Variants in CSMD2 observed in about 807,000 individuals in gnomAD.
CSMD2 encodes CUB and sushi domain-containing protein 2.
Under a neutral mutation model 398.5 loss-of-function variants are expected in CSMD2, and 130 were observed. That is an observed-to-expected ratio of 0.33 (90% CI 0.28 to 0.38). CSMD2 has a LOEUF of 0.38. Ranked by LOEUF, CSMD2 falls within the 10% of genes least tolerant of loss-of-function variation. CSMD2 has a pLI of 1.00. For missense variants in CSMD2, 3,829 were observed against 4,764.9 expected, an observed-to-expected ratio of 0.80 and a Z score of 5.78; for synonymous variants, 1,828 against 1,908.5, an observed-to-expected ratio of 0.96 and a Z score of 1.10.
intron 2 of CSMD2, among the ~76,000 whole-genome samples, chr1:34,079,982 A>C (rs948746654): frequency 3.3e-5 from 5 of 152,050 alleles, no homozygotes; most frequent in Non-Finnish European, 7.4e-5. Context: ...TAAAAATTTA[A>C]CTACTGTGTA....
At chr1:34,134,116 G>A (rs1037944063) in intron 1 of CSMD2, among the ~76,000 whole-genome samples, 3 of 151,154 alleles carry the variant, frequency 2.0e-5, no homozygotes, top group Admixed American at 6.6e-5. Flanking sequence ...GCAGAAATAG[G>A]AGGGAGCATT....
intron 2 of CSMD2, among the ~76,000 whole-genome samples, chr1:34,085,456 T>C (rs1352819725): frequency 2.6e-5 from 4 of 152,102 alleles, no homozygotes; most frequent in Non-Finnish European, 5.9e-5. Flanking sequence ...GTTTGCATTA[T>C]ACATAATTAT....
At position 34,165,166 on chromosome 1, in the gene CSMD2, T is replaced by C. The variant is rs1030917783; in HGVS notation, c.-69A>G. 8 of 1,195,684 alleles carry C rather than the reference T, an allele frequency of 6.7e-6. No homozygotes were observed. The highest frequency in any genetic ancestry group is 8.3e-6 in the Non-Finnish European group (8 of 964,848). The allele number at this position is 1,195,684 out of a possible 1,614,324, so 74.1% of individuals were successfully genotyped here. A position where few individuals can be genotyped will look rare whatever the true frequency, so the allele number is the denominator to read the frequency against. On this transcript the variant is annotated 5_prime_UTR_variant, in exon 1 of 71. Transcript: ENST00000373381. The stretch of plus-strand genomic sequence containing the variant: ...AGGAGAAAGGAGGTCAGGAGAGCTC[T>C]GGAGCTTTTTTCTGCTCGGAAAAAA...
chr1:34,142,408 C>A (rs1639385302), intron 1 of CSMD2, among the ~76,000 whole-genome samples: 1 of 152,164 alleles, frequency 6.6e-6, no homozygotes, highest in Non-Finnish European at 1.5e-5. Context: ...CCAGGAGACG[C>A]AAGTCCTGAA....
chr1:34,129,415 G>A (rs1663092057), intron 1 of CSMD2, among the ~76,000 whole-genome samples: 2 of 152,302 alleles, frequency 1.3e-5, no homozygotes, highest in Non-Finnish European at 2.9e-5. Flanking sequence ...ACTTTGGGAG[G>A]CTGAGGCAGG....
chr1:34,054,146 A>G (rs184594993), intron 2 of CSMD2, among the ~76,000 whole-genome samples: 85 of 152,318 alleles, frequency 5.6e-4, no homozygotes, highest in African/African-American at 1.9e-3. Context: ...ACTAAGCTGT[A>G]GACTTTATCT....
chr1:33,652,235 A>C, intron 28 of CSMD2, 88 bp downstream of exon 28: 1 of 1,385,330 alleles, frequency 7.2e-7, no homozygotes. Context: ...TCTGCTACAG[A>C]CCTGTGAATA....
At chr1:34,052,355 T>A (rs1653284018) in intron 2 of CSMD2, among the ~76,000 whole-genome samples, 2 of 151,960 alleles carry the variant, frequency 1.3e-5, no homozygotes, top group African/African-American at 2.4e-5. Context: ...TTGTCAGTAA[T>A]CTAGAGATGA....
chr1:33,671,123 C>A (rs1000388363), intron 25 of CSMD2, among the ~76,000 whole-genome samples: 4 of 152,128 alleles, frequency 2.6e-5, no homozygotes, highest in African/African-American at 9.7e-5. Flanking sequence ...GTGGCTGAGA[C>A]CTGAAGCCGT....
intron 40 of CSMD2, 81 bp from the exon 41 acceptor site, chr1:33,611,331 G>C: frequency 8.1e-7 from 1 of 1,241,664 alleles, no homozygotes. Flanking sequence ...AGCAGCTCCT[G>C]CCAGAGCCAT....
chr1:33,898,111 T>A (rs1570436312), intron 5 of CSMD2, among the ~76,000 whole-genome samples: 1 of 152,190 alleles, frequency 6.6e-6, no homozygotes. Flanking sequence ...AGACATTACA[T>A]GGCAGAGATG....
intron 37 of CSMD2, among the ~76,000 whole-genome samples, chr1:33,619,626 T>C (rs1641631919): frequency 6.6e-6 from 1 of 152,236 alleles, no homozygotes; most frequent in African/African-American, 2.4e-5. Context: ...GACAAATGCC[T>C]GTACCTTTGT....
At chr1:33,976,255 A>G (rs1036916470) in intron 3 of CSMD2, among the ~76,000 whole-genome samples, 7 of 152,220 alleles carry the variant, frequency 4.6e-5, no homozygotes, top group African/African-American at 1.7e-4. Context: ...AGTCATGCAC[A>G]GGATCAGGGG....
At chr1:33,823,593 G>A (rs189401217) in intron 7 of CSMD2, among the ~76,000 whole-genome samples, 1 of 152,162 alleles carries the variant, frequency 6.6e-6, no homozygotes, top group Non-Finnish European at 1.5e-5. Flanking sequence ...GGAGTCACAG[G>A]TGGGTGGGTG....
chr1:33,635,153 C>G lies in CSMD2; in HGVS notation c.5086+61G>C. 2 of 1,044,826 alleles carry G rather than the reference C, an allele frequency of 1.9e-6. No individual in the cohort carries two copies. The allele number at this position is 1,044,826 out of a possible 1,614,324, so 64.7% of individuals were successfully genotyped here. A position where few individuals can be genotyped will look rare whatever the true frequency, so the allele number is the denominator to read the frequency against. ...ATTGGGAGGCGTCTGAGGAATTGCT[C>G]ATTTTGGAATGAGGGTGAGGAGTCA... On this transcript the variant is annotated intron_variant, in intron 31 of 70. Coordinates refer to ENST00000373381, the MANE Select transcript of CSMD2 (RefSeq NM_001281956.2). This position sits in a 1 kb window ranked among gnomAD's most constrained non-coding sequence, Gnocchi z 5.0.
chr1:33,735,499 C>T (rs2149234535), intron 15 of CSMD2, among the ~76,000 whole-genome samples: 1 of 152,302 alleles, frequency 6.6e-6, no homozygotes, highest in South Asian at 2.1e-4. Flanking sequence ...CTCCTGTGTC[C>T]TGTGAACTCA....
chr1:33,751,923 C>G (rs1473295198), intron 13 of CSMD2, among the ~76,000 whole-genome samples: 1 of 152,090 alleles, frequency 6.6e-6, no homozygotes, highest in Non-Finnish European at 1.5e-5. Flanking sequence ...CTGTGCCCAG[C>G]CAAGTTGGGT....
intron 2 of CSMD2, among the ~76,000 whole-genome samples, chr1:34,085,272 C>G (rs1657731440): frequency 6.6e-6 from 1 of 152,008 alleles, no homozygotes; most frequent in African/African-American, 2.4e-5. Flanking sequence ...GGAGATATAC[C>G]TAATGCTAAA....
intron 41 of CSMD2, among the ~76,000 whole-genome samples, chr1:33,609,721 C>T (rs1185940821): frequency 6.6e-6 from 1 of 151,940 alleles, no homozygotes; most frequent in Non-Finnish European, 1.5e-5. Flanking sequence ...CCAATTTTGG[C>T]TAAAAATATA....
Sources: allele counts gnomAD v4.1 joint callset (sites outside exome capture counted in the v4.1 genomes callset), GRCh38; gene constraint gnomAD v4.1.1; non-coding constraint Gnocchi (gnomAD v3.1); transcripts MANE v1.5; gene names NCBI Gene and HGNC (gene_info 2026-07-23, HGNC 2026-07-21).